The following ENPP1 variants were observed in gnomAD, a reference collection of about 807,000 sequenced individuals.
ENPP1 encodes ectonucleotide pyrophosphatase/phosphodiesterase 1.
ENPP1 carries 73 observed loss-of-function variants against 122.8 expected under a neutral mutation model. The ratio of observed to expected loss-of-function variants is 0.59; its 90% confidence interval spans 0.49 to 0.72. The LOEUF (loss-of-function observed/expected upper bound fraction) is 0.72, where lower values mean the gene tolerates loss of function less well. Among genes scored for constraint, ENPP1 ranks in the 30% least tolerant of loss-of-function variants. ENPP1 has a pLI of 0.00. For synonymous variants in ENPP1, 367 were observed against 391.6 expected (o/e 0.94, Z 0.74); for missense variants, 978 against 1,128.1 (o/e 0.87, Z 1.91).
chr6:131,865,659 A>C (rs1782080124), intron 11 of ENPP1, among the ~76,000 whole-genome samples: 1 of 152,214 alleles, frequency 6.6e-6, no homozygotes, highest in African/African-American at 2.4e-5. Context: ...TTACTTTTGC[A>C]CCAACCTAGT....
intron 13 of ENPP1, among the ~76,000 whole-genome samples, chr6:131,870,602 A>G (rs190258396): frequency 4.1e-4 from 62 of 152,340 alleles, no homozygotes; most frequent in Middle Eastern, 3.4e-3. Context: ...ATATGTTTCA[A>G]TAGATAGATA....
chr6:131,855,852 T>G (rs1309084950), intron 6 of ENPP1, among the ~76,000 whole-genome samples: 1 of 152,018 alleles, frequency 6.6e-6, no homozygotes, highest in East Asian at 1.9e-4. Flanking sequence ...TTAATATTGA[T>G]GCCAAAGTTT....
intron 22 of ENPP1, 58 bp downstream of exon 22, chr6:131,883,832 T>A (rs1782343411): frequency 1.2e-6 from 1 of 853,128 alleles, no homozygotes; most frequent in South Asian, 1.4e-5. Context: ...CATATAGGCA[T>A]AATTCATATG....
intron 15 of ENPP1, 62 bp downstream of exon 15, chr6:131,873,112 T>A: frequency 6.4e-7 from 1 of 1,554,056 alleles, no homozygotes; most frequent in East Asian, 2.2e-5. Context: ...AGGGTAACCA[T>A]TGGGCCCTTT....
At chr6:131,826,113 C>T (rs1585796504) in intron 1 of ENPP1, 1 of 816,938 alleles carries the variant, frequency 1.2e-6, no homozygotes, top group Non-Finnish European at 2.2e-6. Context: ...GAAGTGTTTC[C>T]AGGTAATTTC....
intron 24 of ENPP1, among the ~76,000 whole-genome samples, chr6:131,887,954 G>A (rs1298204040): frequency 1.4e-5 from 2 of 143,376 alleles, no homozygotes; most frequent in Non-Finnish European, 1.5e-5. Flanking sequence ...TCCGCTTCCC[G>A]GGCTCAAGCG....
At chr6:131,878,113 G>T (rs909212220) in intron 18 of ENPP1, among the ~76,000 whole-genome samples, 4 of 151,498 alleles carry the variant, frequency 2.6e-5, no homozygotes, top group Non-Finnish European at 2.9e-5. Flanking sequence ...TGTAACTTCT[G>T]TCCAGGCATG....
chr6:131,813,565 T>C (rs1781380505), intron 1 of ENPP1, among the ~76,000 whole-genome samples: 1 of 151,970 alleles, frequency 6.6e-6, no homozygotes, highest in African/African-American at 2.4e-5. Flanking sequence ...TTAAGCATGA[T>C]GCTATGTAGC....
At chr6:131,865,910 C>T (rs1463515997) in intron 11 of ENPP1, among the ~76,000 whole-genome samples, 12 of 151,736 alleles carry the variant, frequency 7.9e-5, no homozygotes. Flanking sequence ...GCAAGAGAAT[C>T]GCTTGAACCC....
chr6:131,846,314 G>A (rs1178422418), intron 1 of ENPP1, among the ~76,000 whole-genome samples: 2 of 151,924 alleles, frequency 1.3e-5, no homozygotes, highest in East Asian at 1.9e-4. Flanking sequence ...GTCCATTCCC[G>A]TTTGCATTTT....
intron 9 of ENPP1, among the ~76,000 whole-genome samples, chr6:131,863,750 C>CAA (rs56823244): frequency 7.3e-5 from 8 of 109,850 alleles, no homozygotes; most frequent in East Asian, 2.7e-4. Context: ...TACTAAAATA[C>CAA]AAAAAAAAAA....
chr6:131,879,524 T>C (rs1031196249), intron 19 of ENPP1, among the ~76,000 whole-genome samples: 4 of 152,172 alleles, frequency 2.6e-5, no homozygotes, highest in Admixed American at 1.3e-4. Context: ...AGTACACATA[T>C]CATTAAAAAA....
intron 24 of ENPP1, among the ~76,000 whole-genome samples, chr6:131,887,354 A>G (rs1782394197): frequency 6.7e-6 from 1 of 150,320 alleles, no homozygotes; most frequent in Non-Finnish European, 1.5e-5. Context: ...AAAAATCTAC[A>G]TTGTAGATTG....
At chr6:131,882,548 A>T in intron 21 of ENPP1, 74 bp downstream of exon 21, 1 of 900,386 alleles carries the variant, frequency 1.1e-6, no homozygotes, top group Non-Finnish European at 1.7e-6. Context: ...CCTACCATAC[A>T]TTATAGGGTA....
chr6:131,829,668 G>A (rs372814617), intron 1 of ENPP1, among the ~76,000 whole-genome samples: 12 of 152,172 alleles, frequency 7.9e-5, no homozygotes, highest in African/African-American at 1.2e-4. Context: ...AAGAGCTAAC[G>A]GTCAAACAGG....
chr6:131,826,469 G>T, intron 1 of ENPP1: 1 of 989,822 alleles, frequency 1.0e-6, no homozygotes, highest in Non-Finnish European at 1.6e-6. Flanking sequence ...ATGTTATTGT[G>T]CCATAAGTTT....
chr6:131,875,054 C>T (rs535969868), intron 16 of ENPP1, among the ~76,000 whole-genome samples: 3 of 152,082 alleles, frequency 2.0e-5, no homozygotes, highest in Non-Finnish European at 4.4e-5. Flanking sequence ...TTGGAGACTC[C>T]CCAAAGGTGG....
At chr6:131,888,798 G>A (rs1000960985) in intron 24 of ENPP1, among the ~76,000 whole-genome samples, 14 of 152,108 alleles carry the variant, frequency 9.2e-5, no homozygotes, top group East Asian at 7.7e-4. Context: ...TCATTATTTC[G>A]TTTGAGAGAT....
At position 131,880,241 on chromosome 6, in the gene ENPP1, C is replaced by CTA. The variant is rs761460111; in HGVS notation, c.2100+208_2100+209insAT. Among the ~76,000 whole-genome samples the CTA allele has an allele frequency of 3.9e-5, 6 of 152,148 alleles. No individual in the cohort carries two copies. The East Asian group carries it at 5.8e-4, about 15-fold the overall frequency. On this transcript the variant is annotated intron_variant, in intron 20 of 24. Transcript: ENST00000647893. ...GACTTTGAGAACTCAGACCAAATTT[C>CTA]TTCTGTGAAATGAGGGTCGTGCAGT...
Sources: allele counts gnomAD v4.1 joint callset (sites outside exome capture counted in the v4.1 genomes callset), GRCh38; gene constraint gnomAD v4.1.1; transcripts MANE v1.5; gene names NCBI Gene and HGNC (gene_info 2026-07-23, HGNC 2026-07-21).